The following KLF12 variants were observed in gnomAD, a reference collection of about 807,000 sequenced individuals.
KLF12 encodes the protein Krueppel-like factor 12.
Under a neutral mutation model 37.8 loss-of-function variants are expected in KLF12, and 9 were observed. The ratio of observed to expected loss-of-function variants is 0.24; its 90% CI spans 0.14 to 0.42. KLF12 has a LOEUF of 0.42. Ranked by LOEUF, KLF12 falls within the 10% of genes least tolerant of loss-of-function variation. The pLI, the probability that KLF12 is intolerant of heterozygous loss-of-function variation, is 1.00. For synonymous variants in KLF12, 208 were observed against 202.1 expected (o/e 1.03, Z -0.25); for missense variants, 411 against 516.0 (o/e 0.80, Z 1.97).
the KLF12 span, among the ~76,000 whole-genome samples, chr13:74,297,980 G>C: frequency 6.6e-6 from 1 of 152,242 alleles, no homozygotes; most frequent in South Asian, 2.1e-4. Context: ...CATTATGAAT[G>C]TCTCTATTTC....
At chr13:73,961,036 C>T (rs1050592763) in intron 2 of KLF12, among the ~76,000 whole-genome samples, 1 of 152,028 alleles carries the variant, frequency 6.6e-6, no homozygotes, top group Non-Finnish European at 1.5e-5. Flanking sequence ...TTTCCTGGTT[C>T]TGTCTGGGGA....
intron 1 of KLF12, among the ~76,000 whole-genome samples, chr13:74,111,056 G>A (rs1409418414): frequency 4.0e-5 from 6 of 151,794 alleles, no homozygotes; most frequent in African/African-American, 1.5e-4. Flanking sequence ...AGGAGGCTGA[G>A]GCAGGAGAAC....
chr13:73,985,530 G>A (rs746035642), intron 2 of KLF12, among the ~76,000 whole-genome samples: 3 of 152,106 alleles, frequency 2.0e-5, no homozygotes, highest in Admixed American at 1.3e-4. Flanking sequence ...CCAGGCTCAG[G>A]GTCCCAAACC....
intron 3 of KLF12, among the ~76,000 whole-genome samples, chr13:73,871,323 C>T (rs1886453058): frequency 6.6e-6 from 1 of 152,170 alleles, no homozygotes; most frequent in Non-Finnish European, 1.5e-5. Context: ...TGACTTCCAT[C>T]CCTCCTTCTC....
intron 3 of KLF12, among the ~76,000 whole-genome samples, chr13:73,930,057 T>C (rs1889592782): frequency 6.6e-6 from 1 of 152,142 alleles, no homozygotes. Context: ...GTCAGCTATA[T>C]AAAGTAGGGT....
rs1324447177 is a variant in KLF12, at chr13:73,687,036, T to G, written c.*8454A>C. ...AGAACAACGTCTAGACTACTACTAA[T>G]TATAACTAAGTCATTTTAAGTGGCA... On this transcript the variant is annotated 3_prime_UTR_variant, in exon 8 of 8. Transcript: ENST00000377669. 1 of 152,648 alleles carries G rather than the reference T, an allele frequency of 6.6e-6. No individual in the cohort carries two copies. The allele number at this position is 152,648 out of a possible 1,614,324, so 9.5% of individuals were successfully genotyped here. A position where few individuals can be genotyped will look rare whatever the true frequency, so the allele number is the denominator to read the frequency against.
At chr13:74,004,869 C>T (rs978778650) in intron 1 of KLF12, among the ~76,000 whole-genome samples, 1 of 151,738 alleles carries the variant, frequency 6.6e-6, no homozygotes, top group Non-Finnish European at 1.5e-5. Flanking sequence ...CTACATGAAA[C>T]TTAGGATTAA....
intron 2 of KLF12, among the ~76,000 whole-genome samples, chr13:73,950,193 T>TA (rs559210473): frequency 6.2e-4 from 95 of 152,310 alleles, no homozygotes; most frequent in African/African-American, 2.2e-3. Context: ...ACTAATATTT[T>TA]AAAAAATATT....
At chr13:74,286,667 A>AT in the KLF12 span, among the ~76,000 whole-genome samples, 9 of 152,186 alleles carry the variant, frequency 5.9e-5, no homozygotes, top group Non-Finnish European at 1.3e-4. Flanking sequence ...GGTAATTTGC[A>AT]TTTTTAAAGT....
Position 73,687,006 on chromosome 13 carries a change from C to A in KLF12, c.*8484G>T, listed in dbSNP as rs1873532566. 6.6e-6 allele frequency: 1 copy of A among 152,504 alleles called. No homozygotes were observed. 9.4% of individuals were successfully genotyped at this position (152,504 alleles called of 1,614,324 possible). A position where few individuals can be genotyped will look rare whatever the true frequency, so the allele number is the denominator to read the frequency against. On this transcript the variant is annotated 3_prime_UTR_variant, in exon 8 of 8. Coordinates refer to ENST00000377669, the MANE Select transcript of KLF12 (RefSeq NM_007249.5). The stretch of plus-strand genomic sequence containing the variant: ...CATGACGTTAGAATTGACCCCCACA[C>A]ACCAAGAACAACGTCTAGACTACTA...
intron 1 of KLF12, among the ~76,000 whole-genome samples, chr13:74,051,573 GT>G (rs1337232032): frequency 6.6e-6 from 1 of 152,038 alleles, no homozygotes; most frequent in Non-Finnish European, 1.5e-5. Flanking sequence ...ACTAGTAAGA[GT>G]GGTGGGGCAT....
intron 6 of KLF12, among the ~76,000 whole-genome samples, chr13:73,756,838 C>T (rs1368783191): frequency 2.6e-5 from 4 of 152,198 alleles, no homozygotes; most frequent in African/African-American, 7.2e-5. Flanking sequence ...AGAGCTGACC[C>T]CTCCCAGGCC....
chr13:74,275,426 C>T, the KLF12 span, among the ~76,000 whole-genome samples: 1 of 152,158 alleles, frequency 6.6e-6, no homozygotes, highest in Admixed American at 6.6e-5. Context: ...TGCTTTCAAA[C>T]TACATGTTGA....
intron 6 of KLF12, among the ~76,000 whole-genome samples, chr13:73,735,189 T>C (rs1877363854): frequency 6.8e-6 from 1 of 146,930 alleles, no homozygotes; most frequent in South Asian, 2.2e-4. Flanking sequence ...CCCAGTAACT[T>C]GGGAGGCTGA....
chr13:73,867,470 T>C (rs1055312486), intron 3 of KLF12, among the ~76,000 whole-genome samples: 2 of 151,698 alleles, frequency 1.3e-5, no homozygotes, highest in African/African-American at 2.4e-5. Context: ...TTTATAAAAA[T>C]AGTCTTAAAA....
intron 3 of KLF12, among the ~76,000 whole-genome samples, chr13:73,874,361 T>A (rs1886605610): frequency 6.6e-6 from 1 of 152,196 alleles, no homozygotes; most frequent in Non-Finnish European, 1.5e-5. Flanking sequence ...ATTTCATGCC[T>A]GTTCAATACG....
the KLF12 span, among the ~76,000 whole-genome samples, chr13:74,210,665 A>G: frequency 6.6e-5 from 10 of 152,220 alleles, no homozygotes. Flanking sequence ...GGAATTATCT[A>G]TAACTTTAGT....
At position 73,904,469 on chromosome 13, in the gene KLF12, CTTTT is replaced by C. The variant is rs11342071; in HGVS notation, c.123+39508_123+39511del. 2.4e-3 allele frequency among the ~76,000 whole-genome samples: 221 copies of C among 91,984 alleles called. 1 individual carries two copies. Among genetic ancestry groups the C allele is most frequent in the African/African-American group, 8.6e-3 (191 of 22,168 alleles). The allele number at this position is 91,984 out of a possible 152,430, so 60.3% of individuals were successfully genotyped here. On this transcript the variant is annotated intron_variant, in intron 3 of 7. Transcript: ENST00000377669. ...CAGTTTCTCATGTTTTCTTTCTTTC[CTTTT>C]TTTTTTTTTTTTTTTTTTTACTAAT...
intron 6 of KLF12, among the ~76,000 whole-genome samples, chr13:73,750,256 C>T (rs190682099): frequency 2.6e-5 from 4 of 152,278 alleles, no homozygotes; most frequent in Admixed American, 2.6e-4. Flanking sequence ...GGAAAGGGAA[C>T]CACCAAAGTC....
Sources: gnomAD v4.1 joint callset for allele counts (sites outside exome capture counted in the v4.1 genomes callset) on GRCh38, gnomAD v4.1.1 for gene constraint, MANE v1.5 for transcripts, NCBI Gene and HGNC (gene_info 2026-07-23, HGNC 2026-07-21) for gene names.